The following CYRIB variants were observed in gnomAD, a reference collection of about 807,000 sequenced individuals.
The protein encoded by CYRIB is CYFIP-related Rac1 interactor B.
In CYRIB, 8 loss-of-function variants were observed where a neutral mutation model predicts 44.2. The ratio of observed to expected loss-of-function variants is 0.18; its 90% confidence interval spans 0.11 to 0.33. The LOEUF is 0.33. CYRIB is among the 10% of genes least tolerant of loss of function. The pLI, the probability that CYRIB is intolerant of heterozygous loss-of-function variation, is 1.00. For synonymous variants in CYRIB, 131 were observed against 127.2 expected (o/e 1.03, Z -0.20); for missense variants, 185 against 382.8 (o/e 0.48, Z 4.31).
rs548258001 is a variant in CYRIB at position 129,947,064 on chromosome 8, A to T, written c.-243+23879T>A. Among the ~76,000 whole-genome samples the T allele has an allele frequency of 1.0e-3, 144 of 137,214 alleles. No individual in the cohort carries two copies. In the South Asian group the frequency reaches 0.014, roughly 14 times the overall value. 90.0% of individuals were successfully genotyped at this position (137,214 alleles called of 152,430 possible). ...CAAACTCTAATTCTTTTATTTATTT[A>T]TTTTTTTTTTTGAGACAGAATCTTG... On this transcript the variant is annotated intron_variant, in intron 2 of 14. Coordinates refer to the CYRIB transcript ENST00000401979.
At chr8:129,992,497 T>C (rs935692841) in intron 1 of CYRIB, among the ~76,000 whole-genome samples, 2 of 152,168 alleles carry the variant, frequency 1.3e-5, no homozygotes, top group Non-Finnish European at 2.9e-5. Context: ...TCACTGTTTT[T>C]CGCTGCTCTT....
upstream of CYRIB, among the ~76,000 whole-genome samples, chr8:129,940,405 G>A (rs894777905): frequency 7.9e-5 from 12 of 152,330 alleles, no homozygotes; most frequent in African/African-American, 2.9e-4. Flanking sequence ...TCGCGGAGAC[G>A]CCCTTGGGTG....
intron 2 of CYRIB, among the ~76,000 whole-genome samples, chr8:129,949,840 T>C (rs553070436): frequency 6.6e-4 from 100 of 152,124 alleles, no homozygotes; most frequent in African/African-American, 2.1e-3. Flanking sequence ...CACTCCAGCC[T>C]GGGCAAAAAG....
chr8:129,900,282 T>C (rs2070849712), intron 2 of CYRIB, among the ~76,000 whole-genome samples: 2 of 152,172 alleles, frequency 1.3e-5, no homozygotes, highest in Admixed American at 1.3e-4. Context: ...CAGGGCCAGA[T>C]GACATCAAAA....
chr8:130,015,580 G>A (rs531785378), intron 1 of CYRIB, among the ~76,000 whole-genome samples: 2 of 152,244 alleles, frequency 1.3e-5, no homozygotes, highest in East Asian at 3.9e-4. Context: ...AGCAGGGTGG[G>A]TAGCAAAGGC....
intron 1 of CYRIB, among the ~76,000 whole-genome samples, chr8:129,931,961 T>C (rs1452037603): frequency 2.0e-5 from 3 of 151,986 alleles, no homozygotes; most frequent in African/African-American, 7.2e-5. Context: ...AGGTATAATT[T>C]ATATATGTTA....
chr8:130,006,763 AGG>A (rs2097111668), intron 1 of CYRIB, among the ~76,000 whole-genome samples: 1 of 148,450 alleles, frequency 6.7e-6, no homozygotes, highest in Admixed American at 6.9e-5. Context: ...ATCCTGCAGA[AGG>A]GGGAACACAT....
At chr8:129,846,452 CTTTT>C (rs2040075208) in intron 11 of CYRIB, among the ~76,000 whole-genome samples, 1 of 152,120 alleles carries the variant, frequency 6.6e-6, no homozygotes, top group African/African-American at 2.4e-5. Context: ...TACATTATTT[CTTTT>C]TATTTACATT....
At chr8:129,846,482 A>C (rs149707646) in intron 11 of CYRIB, among the ~76,000 whole-genome samples, 1,582 of 152,306 alleles carry the variant, frequency 0.01, 26 homozygotes, top group African/African-American at 0.036. Context: ...ATGTTTTCTG[A>C]ATTTTATTTA....
intron 1 of CYRIB, among the ~76,000 whole-genome samples, chr8:130,009,269 CTT>C (rs113080038): frequency 2.0e-4 from 29 of 142,996 alleles, no homozygotes; most frequent in Admixed American, 4.2e-4. Context: ...TCAAAAGCAT[CTT>C]TTTTTTTTTT....
chr8:129,922,150 T>C (rs922619332), intron 1 of CYRIB, among the ~76,000 whole-genome samples: 2 of 152,154 alleles, frequency 1.3e-5, no homozygotes, highest in African/African-American at 4.8e-5. Context: ...CTCTGGTTAT[T>C]GCTCATTTTG....
intron 1 of CYRIB, among the ~76,000 whole-genome samples, chr8:130,007,883 C>T (rs1333515629): frequency 6.6e-6 from 1 of 151,724 alleles, no homozygotes; most frequent in African/African-American, 2.4e-5. Flanking sequence ...TCACAGAAAC[C>T]CACGACGTGA....
intron 2 of CYRIB, among the ~76,000 whole-genome samples, chr8:129,970,344 C>G (rs754913064): frequency 1.1e-4 from 16 of 151,850 alleles, no homozygotes; most frequent in Non-Finnish European, 2.1e-4. Context: ...GGCACCCAGG[C>G]TCCAAGAGTC....
intron 2 of CYRIB, among the ~76,000 whole-genome samples, chr8:129,888,582 C>T (rs1039891768): frequency 2.6e-5 from 4 of 152,112 alleles, no homozygotes; most frequent in Non-Finnish European, 5.9e-5. Flanking sequence ...AGCTACCTAC[C>T]CACCTATAAA....
At chr8:129,892,949 C>T (rs2066113433) in intron 2 of CYRIB, among the ~76,000 whole-genome samples, 1 of 152,148 alleles carries the variant, frequency 6.6e-6, no homozygotes, top group African/African-American at 2.4e-5. Flanking sequence ...TATTCTAGTT[C>T]CTCAATTAGC....
At chr8:130,009,607 A>T (rs571169956) in intron 1 of CYRIB, among the ~76,000 whole-genome samples, 6 of 152,306 alleles carry the variant, frequency 3.9e-5, no homozygotes, top group Admixed American at 3.9e-4. Flanking sequence ...CATTAAATTC[A>T]GATCCCATCT....
intron 2 of CYRIB, chr8:129,949,035 A>G (rs528878124): frequency 2.0e-5 from 3 of 152,258 alleles, no homozygotes; most frequent in South Asian, 4.1e-4. Flanking sequence ...TGATTGCACT[A>G]TTGCACTCTG....
At chr8:129,956,317 T>A (rs143185208) in intron 2 of CYRIB, among the ~76,000 whole-genome samples, 1 of 152,320 alleles carries the variant, frequency 6.6e-6, no homozygotes, top group Middle Eastern at 3.4e-3. Flanking sequence ...CAGTGATTCC[T>A]GAACTTAACT....
At chr8:129,855,732 C>T (rs1231808271) in exon 6 of CYRIB, 1 of 1,605,252 alleles carries the variant, frequency 6.2e-7, no homozygotes, top group African/African-American at 1.3e-5. Context: ...TCCCAGAAGA[C>T]CTCTTAATGC....
Sources: gnomAD v4.1 joint callset for allele counts (sites outside exome capture counted in the v4.1 genomes callset) on GRCh38, gnomAD v4.1.1 for gene constraint, MANE v1.5 for transcripts, NCBI Gene and HGNC (gene_info 2026-07-23, HGNC 2026-07-21) for gene names.